Variants in PTCHD4 observed in about 807,000 individuals in gnomAD.
PTCHD4 encodes patched domain-containing protein 4.
A neutral mutation model predicts 58.1 loss-of-function variants in PTCHD4; 33 were observed. The ratio of observed to expected loss-of-function variants is 0.57; its 90% CI spans 0.43 to 0.76. PTCHD4 has a LOEUF of 0.76. PTCHD4 is among the 30% of genes least tolerant of loss of function. The pLI is 0.00. For synonymous variants in PTCHD4, 478 were observed against 409.6 expected (o/e 1.17, Z -2.02); for missense variants, 1,058 against 1,027.1 (o/e 1.03, Z -0.41).
intron 1 of PTCHD4, among the ~76,000 whole-genome samples, chr6:48,072,963 A>G (rs1310656912): frequency 2.0e-5 from 3 of 152,170 alleles, no homozygotes; most frequent in Non-Finnish European, 2.9e-5. Context: ...TATACTGTTA[A>G]AAGTCAATGC....
intron 1 of PTCHD4, among the ~76,000 whole-genome samples, chr6:48,096,160 G>A (rs890090940): frequency 6.6e-6 from 1 of 152,106 alleles, no homozygotes; most frequent in Non-Finnish European, 1.5e-5. Flanking sequence ...GAGGAGGAAG[G>A]AACTAATTAT....
In PTCHD4 at chr6:47,879,319, G is replaced by C. The variant is rs1441647173; in HGVS notation, c.1516C>G (p.Gln506Glu). The C allele has an allele frequency of 8.1e-6, 13 of 1,612,894 alleles. No individual in the cohort carries two copies. The highest frequency in any genetic ancestry group is 2.2e-5 in the East Asian group (1 of 44,792). ...SPSVSYAMVQQKYFSNYSPVI... is the reference protein window; with the variant it reads ...SPSVSYAMVQEKYFSNYSPVI... ...GGGCTATAGTTGCTGAAATATTTCT[G>C]CTGAACCATGGCATAGGAAACACTT... The change falls in exon 5 of 5, where the codon CAG (glutamine) becomes GAG (glutamate). Residue 506 changes from glutamine to glutamate, a missense_variant. Coordinates refer to ENST00000339488, the MANE Select transcript of PTCHD4 (RefSeq NM_001384253.1).
At chr6:48,097,457 T>A (rs1341819297) in intron 1 of PTCHD4, among the ~76,000 whole-genome samples, 2 of 151,964 alleles carry the variant, frequency 1.3e-5, no homozygotes, top group African/African-American at 4.8e-5. Flanking sequence ...GATTTGGAAT[T>A]TAAATGCAAA....
At chr6:47,906,814 C>T (rs1764902176) in intron 4 of PTCHD4, among the ~76,000 whole-genome samples, 1 of 152,172 alleles carries the variant, frequency 6.6e-6, no homozygotes, top group Non-Finnish European at 1.5e-5. Context: ...CTCACTCTCA[C>T]CATTTCACTA....
At chr6:47,880,503 T>A (rs1763987629) in intron 4 of PTCHD4, among the ~76,000 whole-genome samples, 1 of 149,980 alleles carries the variant, frequency 6.7e-6, no homozygotes, top group Admixed American at 6.8e-5. Context: ...TCCAAAGAGT[T>A]GATTAATTAG....
intron 4 of PTCHD4, among the ~76,000 whole-genome samples, chr6:47,987,406 T>C (rs935229359): frequency 4.4e-5 from 6 of 135,444 alleles, no homozygotes; most frequent in African/African-American, 1.7e-4. Context: ...TAAAGTATAA[T>C]AAAAAAAAAG....
intron 4 of PTCHD4, among the ~76,000 whole-genome samples, chr6:47,936,602 A>G (rs568729017): frequency 6.6e-6 from 1 of 152,240 alleles, no homozygotes; most frequent in South Asian, 2.1e-4. Context: ...CCTATATCCC[A>G]GTGAAGTTCT....
chr6:47,965,960 A>G (rs567233025), intron 4 of PTCHD4, among the ~76,000 whole-genome samples: 1 of 152,194 alleles, frequency 6.6e-6, no homozygotes, highest in East Asian at 1.9e-4. Context: ...ACAACAAAAA[A>G]AACCCTCTTG....
intron 4 of PTCHD4, among the ~76,000 whole-genome samples, chr6:47,923,340 T>C (rs113251814): frequency 1.0e-3 from 159 of 152,284 alleles, no homozygotes; most frequent in African/African-American, 3.1e-3. Context: ...CTATATTTCA[T>C]TGGGAATTCT....
chr6:47,984,035 C>CA (rs1421051487), intron 4 of PTCHD4, among the ~76,000 whole-genome samples: 2 of 152,030 alleles, frequency 1.3e-5, no homozygotes, highest in African/African-American at 4.8e-5. Context: ...TGACAAACAT[C>CA]ATCAATAAGT....
rs1477332743 is a variant in PTCHD4, at chr6:47,874,829, A to T, written c.*3474T>A. Among the ~76,000 whole-genome samples the T allele has an allele frequency of 6.6e-6, 1 of 151,832 alleles. No individual in the cohort carries two copies. Among genetic ancestry groups the T allele is most frequent in the Admixed American group, 6.6e-5 (1 of 15,214 alleles). On this transcript the variant is annotated 3_prime_UTR_variant, in exon 5 of 5. Transcript: ENST00000339488. ...CATAGTAACTGCAAGAATTCCTGGG[A>T]AGACATCTAAACATGACTTTCATTA... is the stretch of plus-strand genomic sequence containing the variant.
chr6:47,941,900 T>C (rs1766242422), intron 4 of PTCHD4, among the ~76,000 whole-genome samples: 1 of 152,130 alleles, frequency 6.6e-6, no homozygotes, highest in African/African-American at 2.4e-5. Context: ...TTTAAGAAAA[T>C]CAGTGTCAAA....
chr6:48,017,311 A>C (rs979396773), intron 3 of PTCHD4, among the ~76,000 whole-genome samples: 1 of 152,192 alleles, frequency 6.6e-6, no homozygotes, highest in Admixed American at 6.5e-5. Context: ...TTTTAAAAGA[A>C]GAATCAAAAG....
chr6:48,104,143 T>C (rs575775093), intron 1 of PTCHD4, among the ~76,000 whole-genome samples: 4 of 152,196 alleles, frequency 2.6e-5, no homozygotes, highest in Non-Finnish European at 4.4e-5. Context: ...CCAAGACACG[T>C]AATTGTCAGA....
chr6:48,105,655 C>A (rs1187171035), intron 1 of PTCHD4, among the ~76,000 whole-genome samples: 2 of 152,086 alleles, frequency 1.3e-5, no homozygotes, highest in African/African-American at 4.8e-5. Context: ...ATCAATGAAT[C>A]CAGGAGCTGG....
intron 4 of PTCHD4, among the ~76,000 whole-genome samples, chr6:47,995,977 T>G (rs569394219): frequency 6.6e-6 from 1 of 152,354 alleles, no homozygotes; most frequent in Non-Finnish European, 1.5e-5. Flanking sequence ...ACTTTTATTT[T>G]AGGTTTAACT....
intron 3 of PTCHD4, among the ~76,000 whole-genome samples, chr6:48,014,708 T>C (rs914623172): frequency 3.3e-5 from 5 of 152,188 alleles, no homozygotes; most frequent in East Asian, 1.9e-4. Context: ...TCATTATAAC[T>C]AATAGAGTCA....
chr6:47,907,024 G>T (rs551613573), intron 4 of PTCHD4, among the ~76,000 whole-genome samples: 1 of 152,204 alleles, frequency 6.6e-6, no homozygotes, highest in East Asian at 1.9e-4. Context: ...CATTTTAAAC[G>T]GTATACATCA....
chr6:47,945,596 T>G (rs151052826), intron 4 of PTCHD4, among the ~76,000 whole-genome samples: 7 of 152,078 alleles, frequency 4.6e-5, no homozygotes, highest in Admixed American at 4.6e-4. Context: ...TTCTAAGAAC[T>G]GATTTTCTTT....
Sources: gnomAD v4.1 joint callset for allele counts (sites outside exome capture counted in the v4.1 genomes callset) on GRCh38, gnomAD v4.1.1 for gene constraint, MANE v1.5 for transcripts, NCBI Gene and HGNC (gene_info 2026-07-23, HGNC 2026-07-21) for gene names.